RPE: variants seen among roughly 807,000 people sequenced by gnomAD.
RPE encodes ribulose-5-phosphate-3-epimerase.
RPE carries 16 observed loss-of-function variants against 24.6 expected under a neutral mutation model. The ratio of observed to expected loss-of-function variants is 0.65; its 90% confidence interval spans 0.44 to 0.99. The LOEUF is 0.99. RPE is among the 50% of genes least tolerant of loss of function. The pLI is 0.00. For missense variants in RPE, 240 were observed against 294.5 expected (o/e 0.81, Z 1.35); for synonymous variants, 93 against 98.4 (o/e 0.94, Z 0.33).
chr2:210,015,406 G>A (rs1483970321), intron 2 of RPE, among the ~76,000 whole-genome samples: 2 of 152,096 alleles, frequency 1.3e-5, no homozygotes, highest in Non-Finnish European at 2.9e-5. Context: ...TCTGACTGGT[G>A]TATCTCCTTC....
In RPE at chr2:210,021,248, AG is replaced by A. The variant is rs2093850721; in HGVS notation, c.*1458del. ...CAATAGACTTCTTGAGGCTACTATA[AG>A]TTTTGAGAAATAAGGTTCAAAAAAT... On this transcript the variant is annotated 3_prime_UTR_variant, in exon 6 of 6. Transcript: ENST00000359429. 1.3e-5 allele frequency: 2 copies of A among 152,148 alleles called. No individual in the cohort carries two copies. Among genetic ancestry groups the A allele is most frequent in the South Asian group, 4.1e-4 (2 of 4,836 alleles). The allele number at this position is 152,148 out of a possible 1,614,324, so 9.4% of individuals were successfully genotyped here.
At chr2:210,018,155 C>A in intron 5 of RPE, 1 of 1,532,954 alleles carries the variant, frequency 6.5e-7, no homozygotes, top group East Asian at 2.4e-5. Context: ...AATTTCAGCC[C>A]TTTGGAAGAT....
chr2:210,006,810 C>A (rs1485705883), intron 1 of RPE, among the ~76,000 whole-genome samples: 1 of 152,228 alleles, frequency 6.6e-6, no homozygotes, highest in East Asian at 1.9e-4. Flanking sequence ...CCCTGACAAT[C>A]ATTGCTCAGG....
At chr2:210,005,408 G>T (rs1348709325) in intron 1 of RPE, among the ~76,000 whole-genome samples, 2 of 152,122 alleles carry the variant, frequency 1.3e-5, no homozygotes, top group Non-Finnish European at 2.9e-5. Context: ...GGAATACTGT[G>T]GAAGGTGGAG....
At position 210,022,193 on chromosome 2, in the gene RPE, G is replaced by GAAAGT. The variant is rs1179332609; in HGVS notation, c.*2404_*2408dup. ...TGCTTTATTTTGTTAGGAGTAAACA[G>GAAAGT]AAAGTAGCCTGTGTTTAGTCCCAAA... On this transcript the variant is annotated 3_prime_UTR_variant, in exon 6 of 6. Transcript: ENST00000359429. 3.3e-5 allele frequency: 5 copies of GAAAGT among 151,972 alleles called. No individual in the cohort carries two copies. In the East Asian group the frequency reaches 9.6e-4, roughly 29 times the overall value. The allele number at this position is 151,972 out of a possible 1,614,324, so 9.4% of individuals were successfully genotyped here.
At chr2:210,008,157 G>T (rs1028983104) in intron 1 of RPE, among the ~76,000 whole-genome samples, 1 of 152,178 alleles carries the variant, frequency 6.6e-6, no homozygotes, top group Non-Finnish European at 1.5e-5. Context: ...TAGCAGTAGG[G>T]TTGTGAATTC....
intron 1 of RPE, chr2:210,003,358 C>A: frequency 3.8e-6 from 3 of 784,082 alleles, no homozygotes; most frequent in South Asian, 2.9e-5. Flanking sequence ...GTTTACAGTG[C>A]CTGGCGTATA....
intron 2 of RPE, among the ~76,000 whole-genome samples, chr2:210,010,551 A>T (rs2125067085): frequency 6.6e-6 from 1 of 152,318 alleles, no homozygotes; most frequent in Non-Finnish European, 1.5e-5. Context: ...GGCTTGAGCC[A>T]CCAGCCTAGC....
chr2:210,009,454 G>A (rs376195631), intron 1 of RPE, among the ~76,000 whole-genome samples: 4 of 152,124 alleles, frequency 2.6e-5, no homozygotes, highest in South Asian at 2.1e-4. Flanking sequence ...TATATGTGAC[G>A]TGATTTGTTG....
chr2:210,008,328 C>T (rs2093657479), intron 1 of RPE, among the ~76,000 whole-genome samples: 1 of 136,564 alleles, frequency 7.3e-6, no homozygotes, highest in African/African-American at 2.8e-5. Context: ...TGGAGTCTTG[C>T]TCTGTTGCCC....
At chr2:210,010,365 T>TCACA (rs572621039) in intron 2 of RPE, among the ~76,000 whole-genome samples, 43 of 152,340 alleles carry the variant, frequency 2.8e-4, no homozygotes, top group Non-Finnish European at 5.7e-4. Context: ...TAGCAATGTC[T>TCACA]CACCTGCCAG....
At chr2:210,006,762 T>C (rs1252806271) in intron 1 of RPE, among the ~76,000 whole-genome samples, 1 of 152,250 alleles carries the variant, frequency 6.6e-6, no homozygotes, top group African/African-American at 2.4e-5. Context: ...GTGACCCTTA[T>C]TTCAAGTTCT....
chr2:210,011,467 A>G (rs574055324), intron 2 of RPE, among the ~76,000 whole-genome samples: 33 of 152,026 alleles, frequency 2.2e-4, no homozygotes, highest in African/African-American at 5.8e-4. Flanking sequence ...ACTATTGTCT[A>G]TATCCCTTCC....
At chr2:210,003,469 G>A (rs928575364) in intron 1 of RPE, 6 of 1,287,250 alleles carry the variant, frequency 4.7e-6, no homozygotes, top group Non-Finnish European at 6.1e-6. Context: ...TCAGTTTTTT[G>A]TAAGTAATTT....
chr2:210,003,300 C>G (rs1048519117), intron 1 of RPE: 58 of 382,488 alleles, frequency 1.5e-4, no homozygotes, highest in African/African-American at 6.4e-5. Flanking sequence ...ACTAACAGAA[C>G]CTACCGCTTA....
At chr2:210,009,588 A>G in intron 1 of RPE, 69 bp from the exon 2 acceptor site, 2 of 1,588,854 alleles carry the variant, frequency 1.3e-6, no homozygotes, top group Non-Finnish European at 1.7e-6. Context: ...CTGTGTCAGA[A>G]TTCATATTGA....
chr2:210,017,388 A>AT (rs1255608417), intron 4 of RPE, 85 bp from the exon 5 acceptor site: 4 of 1,106,684 alleles, frequency 3.6e-6, no homozygotes, highest in Non-Finnish European at 5.4e-6. Flanking sequence ...TTGCTGTTGG[A>AT]TTTTTTTGTT....
chr2:210,008,260 T>A (rs1185694003), intron 1 of RPE, among the ~76,000 whole-genome samples: 30 of 152,108 alleles, frequency 2.0e-4, no homozygotes, highest in Admixed American at 2.0e-3. Context: ...AGTATGGTAC[T>A]TGCATATAGG....
Position 210,016,537 on chromosome 2 carries a change from G to A in RPE, c.373G>A (p.Val125Ile). ...VGLAIKPGTSVEYLAPWANQI... is the reference protein window; with the variant it reads ...VGLAIKPGTSIEYLAPWANQI... Reference sequence around the variant, plus strand: ...CCTTGCCATCAAACCAGGAACCTCAGTTGAGTATTTGGCACCATGGGCTAA... The same window carrying A: ...CCTTGCCATCAAACCAGGAACCTCAATTGAGTATTTGGCACCATGGGCTAA... Residue 125 changes from valine (V) to isoleucine (I), a missense_variant, in exon 4 of 6, where the codon GTT becomes ATT. Physicochemically the swap from Val to Ile is conservative, Grantham distance 29. Coordinates refer to ENST00000359429, the MANE Select transcript of RPE (RefSeq NM_199229.3). 1 of 1,614,256 alleles carries A rather than the reference G, an allele frequency of 6.2e-7. No homozygotes were observed. The highest frequency in any genetic ancestry group is 2.2e-5 in the East Asian group (1 of 44,888).
Sources: allele counts gnomAD v4.1 joint callset (sites outside exome capture counted in the v4.1 genomes callset), GRCh38; gene constraint gnomAD v4.1.1; transcripts MANE v1.5; gene names NCBI Gene and HGNC (gene_info 2026-07-23, HGNC 2026-07-21).